The following NGLY1 variants were observed in gnomAD, a reference collection of about 807,000 sequenced individuals.
NGLY1 encodes N-glycanase 1.
NGLY1 carries 68 observed loss-of-function variants against 84.6 expected under a neutral mutation model. The ratio of observed to expected loss-of-function variants is 0.80; its 90% CI spans 0.66 to 0.98. NGLY1 has a LOEUF of 0.98. Among genes scored for constraint, NGLY1 ranks in the 50% least tolerant of loss-of-function variants. The probability of loss-of-function intolerance (pLI) is 0.00; values close to 1 mark genes in which losing one functional copy is unlikely to be tolerated. For missense variants in NGLY1, 779 were observed against 770.2 expected (o/e 1.01, Z -0.14); for synonymous variants, 280 against 275.2 (o/e 1.02, Z -0.17).
chr3:25,755,163 A>G (rs565313513), intron 3 of NGLY1: 4 of 1,270,610 alleles, frequency 3.1e-6, no homozygotes, highest in African/African-American at 1.5e-5. Flanking sequence ...TGTCGTGCTG[A>G]TCTTTTTACC....
intron 4 of NGLY1, among the ~76,000 whole-genome samples, chr3:25,744,739 GAGA>G (rs544958197): frequency 5.9e-5 from 9 of 152,238 alleles, no homozygotes; most frequent in Non-Finnish European, 1.2e-4. Flanking sequence ...ACTACTTCAA[GAGA>G]AGAAGCTCAA....
chr3:25,723,115 G>A (rs980210422), intron 10 of NGLY1, among the ~76,000 whole-genome samples: 1 of 152,094 alleles, frequency 6.6e-6, no homozygotes, highest in East Asian at 1.9e-4. Context: ...CTGAAATTAC[G>A]TTAACTTCAA....
At chr3:25,741,081 T>A (rs1164714687) in intron 4 of NGLY1, among the ~76,000 whole-genome samples, 2 of 144,598 alleles carry the variant, frequency 1.4e-5, no homozygotes, top group Non-Finnish European at 3.0e-5. Context: ...TGAGCCAAGA[T>A]CATGCCATTG....
chr3:25,786,078 T>C (rs1209760796), upstream of NGLY1, among the ~76,000 whole-genome samples: 1 of 152,238 alleles, frequency 6.6e-6, no homozygotes, highest in African/African-American at 2.4e-5. Context: ...CCCTTGCTAA[T>C]GGTTTTTATG....
chr3:25,764,589 G>C (rs924704921), intron 2 of NGLY1, among the ~76,000 whole-genome samples: 11 of 151,552 alleles, frequency 7.3e-5, no homozygotes, highest in Admixed American at 3.3e-4. Flanking sequence ...AAAAATATTT[G>C]ATCTTCTAGA....
chr3:25,719,370 G>A lies in NGLY1; in HGVS notation c.*90C>T. On this transcript the variant is annotated 3_prime_UTR_variant, in exon 12 of 12. Transcript: ENST00000280700. ...AGCAAAAGAAATATGCTAGCACAGG[G>A]TGGTAACTGCCAACTAAGCATGCAC... is the stretch of plus-strand genomic sequence containing the variant. 9.9e-7 allele frequency: 1 copy of A among 1,011,198 alleles called. No individual in the cohort carries two copies. The allele number at this position is 1,011,198 out of a possible 1,614,324, so 62.6% of individuals were successfully genotyped here. A position where few individuals can be genotyped will look rare whatever the true frequency, so the allele number is the denominator to read the frequency against.
upstream of NGLY1, among the ~76,000 whole-genome samples, chr3:25,784,337 T>C (rs1217848732): frequency 6.6e-6 from 1 of 152,210 alleles, no homozygotes. Context: ...TGCATAATAA[T>C]TACGCAATAT....
At chr3:25,743,639 T>C (rs1038887828) in intron 4 of NGLY1, among the ~76,000 whole-genome samples, 3 of 152,160 alleles carry the variant, frequency 2.0e-5, no homozygotes, top group Non-Finnish European at 4.4e-5. Context: ...TCCCCAACAC[T>C]TAGTGTTCTG....
rs5847371 is a variant in NGLY1, at chr3:25,754,788, C to CTTTT, written c.493-3529_493-3526dup. 61 of 275,202 alleles carry CTTTT rather than the reference C, an allele frequency of 2.2e-4. 1 individual carries two copies. Among genetic ancestry groups the CTTTT allele is most frequent in the East Asian group, 5.0e-4 (6 of 12,046 alleles). The allele number at this position is 275,202 out of a possible 1,614,324, so 17.0% of individuals were successfully genotyped here. A position where few individuals can be genotyped will look rare whatever the true frequency, so the allele number is the denominator to read the frequency against. The stretch of plus-strand genomic sequence containing the variant: ...AAGAACACATTAGAGATGACTCGTG[C>CTTTT]TTTTTTTTTTTTTTTTTGATACGAG... On this transcript the variant is annotated intron_variant, in intron 3 of 11. Coordinates refer to ENST00000280700, the MANE Select transcript of NGLY1 (RefSeq NM_018297.4).
At chr3:25,719,664 T>A (rs1455748260) in intron 11 of NGLY1, 29 bp from the exon 12 acceptor site, 6 of 1,582,994 alleles carry the variant, frequency 3.8e-6, no homozygotes, top group Non-Finnish European at 5.2e-6. Context: ...AAATTAACAT[T>A]TTGCTTTTGG....
At chr3:25,787,351 T>C (rs766696934), upstream of NGLY1, among the ~76,000 whole-genome samples, 6 of 152,194 alleles carry the variant, frequency 3.9e-5, no homozygotes, top group East Asian at 3.9e-4. Context: ...CTCCTTGCCA[T>C]TGCCTTCAGA....
rs1009618257 is a variant in NGLY1, at chr3:25,755,510, A to G, written c.493-4247T>C. 11 of 1,459,658 alleles carry G rather than the reference A, an allele frequency of 7.5e-6. No homozygotes were observed. In the Admixed American group the frequency reaches 1.8e-4, roughly 24 times the overall value. The allele number at this position is 1,459,658 out of a possible 1,614,324, so 90.4% of individuals were successfully genotyped here. A position where few individuals can be genotyped will look rare whatever the true frequency, so the allele number is the denominator to read the frequency against. ...CACCTTCTCGGTCCACACCTGTCAAACCAGTTCCTGCAATAACTGCAGTTC... is the reference window on the plus strand; with the variant it reads ...CACCTTCTCGGTCCACACCTGTCAAGCCAGTTCCTGCAATAACTGCAGTTC... On this transcript the variant is annotated intron_variant, in intron 3 of 11. Transcript: ENST00000280700.
At chr3:25,757,841 T>G (rs995372882) in intron 3 of NGLY1, among the ~76,000 whole-genome samples, 7 of 152,182 alleles carry the variant, frequency 4.6e-5, no homozygotes, top group African/African-American at 1.7e-4. Flanking sequence ...GAATTAACAG[T>G]GCCTCCCTCA....
intron 3 of NGLY1, chr3:25,755,259 C>G: frequency 1.5e-6 from 2 of 1,378,624 alleles, no homozygotes; most frequent in Non-Finnish European, 2.1e-6. Flanking sequence ...TATGCAGGAC[C>G]TAGACTCCCA....
At chr3:25,737,742 C>T (rs535935013) in intron 5 of NGLY1, among the ~76,000 whole-genome samples, 25 of 152,114 alleles carry the variant, frequency 1.6e-4, no homozygotes, top group African/African-American at 4.6e-4. Context: ...GACGGGGTTT[C>T]ACCATGTTAG....
Position 25,737,425 on chromosome 3 carries a change from T to C in NGLY1, c.912A>G (p.Thr304=). ...CCCACTCGCCACACCGTCCACATCT[T>C]GTTTCCAAAAGTTTCTCAGGGTTAT... ...RYNNPEKLLE[T]RCGRCGEWAN... is the part of the protein sequence containing the mutation. The change falls in exon 6 of 12, where the codon ACA becomes ACG. Residue 304 remains threonine, a synonymous_variant. Coordinates refer to ENST00000280700, the MANE Select transcript of NGLY1 (RefSeq NM_018297.4). 1 of 1,612,946 alleles carries C rather than the reference T, an allele frequency of 6.2e-7. No individual in the cohort carries two copies. The highest frequency in any genetic ancestry group is 8.5e-7 in the Non-Finnish European group (1 of 1,179,672).
intron 10 of NGLY1, among the ~76,000 whole-genome samples, chr3:25,723,684 A>G (rs912434312): frequency 6.6e-6 from 1 of 151,762 alleles, no homozygotes; most frequent in Non-Finnish European, 1.5e-5. Context: ...AATTTTTTTT[A>G]CAACTGTTGA....
chr3:25,722,919 CAGAG>C (rs1301494529), intron 10 of NGLY1, among the ~76,000 whole-genome samples: 4 of 152,128 alleles, frequency 2.6e-5, no homozygotes, highest in African/African-American at 9.7e-5. Flanking sequence ...AAGAGCCAAA[CAGAG>C]AGGTTACTGG....
intron 2 of NGLY1, among the ~76,000 whole-genome samples, chr3:25,772,011 G>A (rs1351188022): frequency 1.3e-5 from 2 of 152,122 alleles, no homozygotes; most frequent in Non-Finnish European, 2.9e-5. Context: ...CAATTTTGAT[G>A]TTCTTGATTT....
Sources: gnomAD v4.1 joint callset for allele counts (sites outside exome capture counted in the v4.1 genomes callset) on GRCh38, gnomAD v4.1.1 for gene constraint, MANE v1.5 for transcripts, NCBI Gene and HGNC (gene_info 2026-07-23, HGNC 2026-07-21) for gene names.